KCTD8: variants seen among roughly 807,000 people sequenced by gnomAD.
KCTD8 encodes BTB/POZ domain-containing protein KCTD8.
KCTD8 carries 27 observed loss-of-function variants against 31.5 expected under a neutral mutation model. The ratio of observed to expected loss-of-function variants is 0.86; its 90% CI spans 0.63 to 1.18. KCTD8 has a LOEUF of 1.18. Among genes scored for constraint, KCTD8 ranks in the 50% most tolerant of loss-of-function variants. KCTD8 has a pLI of 0.00. For synonymous variants in KCTD8, 290 were observed against 280.0 expected (o/e 1.04, Z -0.36); for missense variants, 658 against 647.7 (o/e 1.02, Z -0.17).
chr4:44,397,083 A>T (rs1720523972), intron 1 of KCTD8, among the ~76,000 whole-genome samples: 2 of 152,098 alleles, frequency 1.3e-5, no homozygotes, highest in South Asian at 4.1e-4. Flanking sequence ...ATAACCCCTT[A>T]ATTTGTTTAA....
chr4:44,304,375 C>A (rs6829281), intron 1 of KCTD8, among the ~76,000 whole-genome samples: 72 of 152,240 alleles, frequency 4.7e-4, no homozygotes, highest in African/African-American at 1.5e-3. Flanking sequence ...AGATGGCCTG[C>A]ATTTAAAAAA....
chr4:44,290,583 T>G (rs1717241686), intron 1 of KCTD8, among the ~76,000 whole-genome samples: 1 of 151,986 alleles, frequency 6.6e-6, no homozygotes, highest in East Asian at 1.9e-4. Context: ...CTCAAGAAAT[T>G]AAAAAACTTG....
At chr4:44,384,748 A>T (rs1004763647) in intron 1 of KCTD8, among the ~76,000 whole-genome samples, 13 of 151,778 alleles carry the variant, frequency 8.6e-5, no homozygotes, top group African/African-American at 3.1e-4. Flanking sequence ...ATAGTTAACT[A>T]CAATTTCTTG....
chr4:44,247,274 A>G (rs1715693772), intron 1 of KCTD8, among the ~76,000 whole-genome samples: 1 of 152,022 alleles, frequency 6.6e-6, no homozygotes, highest in East Asian at 1.9e-4. Context: ...AAAAAAAAGC[A>G]TCTTAGAACC....
chr4:44,352,886 C>T (rs1719249713), intron 1 of KCTD8, among the ~76,000 whole-genome samples: 1 of 151,976 alleles, frequency 6.6e-6, no homozygotes, highest in Admixed American at 6.6e-5. Flanking sequence ...TTCTCTCCCA[C>T]TATAATATCA....
chr4:44,239,598 C>T (rs1318922431), intron 1 of KCTD8, among the ~76,000 whole-genome samples: 2 of 152,198 alleles, frequency 1.3e-5, no homozygotes, highest in South Asian at 4.2e-4. Flanking sequence ...TGGATGGTGA[C>T]AATTTATTAA....
chr4:44,244,370 A>T (rs1178138242), intron 1 of KCTD8, among the ~76,000 whole-genome samples: 1 of 152,122 alleles, frequency 6.6e-6, no homozygotes, highest in Non-Finnish European at 1.5e-5. Context: ...GTGCTTTGCC[A>T]TGCTGAGTAC....
intron 1 of KCTD8, among the ~76,000 whole-genome samples, chr4:44,271,495 C>T (rs1716598587): frequency 6.6e-6 from 1 of 152,030 alleles, no homozygotes; most frequent in East Asian, 1.9e-4. Context: ...CCCAAATCTG[C>T]CCATAAACTG....
chr4:44,208,137 G>T (rs1714372913), intron 1 of KCTD8, among the ~76,000 whole-genome samples: 1 of 152,120 alleles, frequency 6.6e-6, no homozygotes, highest in South Asian at 2.1e-4. Flanking sequence ...TTAAGAAGGG[G>T]TTCAAATTAA....
intron 1 of KCTD8, among the ~76,000 whole-genome samples, chr4:44,274,840 A>G (rs147727857): frequency 1.3e-5 from 2 of 151,916 alleles, no homozygotes; most frequent in African/African-American, 4.8e-5. Flanking sequence ...AAGCAAAAAA[A>G]AAAATCCACT....
At chr4:44,277,253 TA>T (rs1716777250) in intron 1 of KCTD8, among the ~76,000 whole-genome samples, 1 of 151,552 alleles carries the variant, frequency 6.6e-6, no homozygotes, top group African/African-American at 2.4e-5. Flanking sequence ...ACAAAACAAA[TA>T]AAAAGAAAAA....
chr4:44,389,626 G>C (rs1720316786), intron 1 of KCTD8, among the ~76,000 whole-genome samples: 3 of 151,734 alleles, frequency 2.0e-5, no homozygotes, highest in Non-Finnish European at 4.4e-5. Context: ...AATGAGTATG[G>C]AGTTTAAGTT....
chr4:44,197,527 G>C (rs1713984571), intron 1 of KCTD8, among the ~76,000 whole-genome samples: 3 of 152,062 alleles, frequency 2.0e-5, no homozygotes, highest in African/African-American at 4.8e-5. Flanking sequence ...AATATCTATT[G>C]AATAGCAGCT....
rs116321688 is a variant in KCTD8 at position 44,272,348 on chromosome 4, A to T, written c.962-97098T>A. Among the ~76,000 whole-genome samples the T allele has an allele frequency of 9.5e-3, 1,444 of 151,960 alleles. 32 individuals carry two copies. Among genetic ancestry groups the T allele is most frequent in the African/African-American group, 0.033 (1,371 of 41,464 alleles). Reference sequence around the variant, plus strand: ...AAATAAGCAAAAAAATTTTTTTAAAAAAGTACTTCTACTGTATATATTATG... The same window carrying T: ...AAATAAGCAAAAAAATTTTTTTAAATAAGTACTTCTACTGTATATATTATG... On this transcript the variant is annotated intron_variant, in intron 1 of 1. Coordinates refer to ENST00000360029, the MANE Select transcript of KCTD8 (RefSeq NM_198353.3).
intron 1 of KCTD8, among the ~76,000 whole-genome samples, chr4:44,315,347 G>A (rs775319346): frequency 4.0e-5 from 6 of 151,806 alleles, no homozygotes; most frequent in East Asian, 1.9e-4. Context: ...CTGTAAATAC[G>A]CATCCTAAAG....
At chr4:44,336,641 A>T (rs1718753521) in intron 1 of KCTD8, among the ~76,000 whole-genome samples, 1 of 152,144 alleles carries the variant, frequency 6.6e-6, no homozygotes, top group African/African-American at 2.4e-5. Flanking sequence ...ACAAAAAATA[A>T]GAAAATCTCA....
intron 1 of KCTD8, among the ~76,000 whole-genome samples, chr4:44,189,614 A>G (rs1351959727): frequency 6.6e-6 from 1 of 151,932 alleles, no homozygotes; most frequent in Non-Finnish European, 1.5e-5. Context: ...CAAACATTCA[A>G]ACATAGCCAC....
In KCTD8 at chr4:44,270,032, C is replaced by T. The variant is rs941896334; in HGVS notation, c.962-94782G>A. 2.8e-4 allele frequency among the ~76,000 whole-genome samples: 42 copies of T among 152,144 alleles called. No individual in the cohort carries two copies. In the East Asian group the frequency reaches 4.3e-3, roughly 15 times the overall value. ...GAAATACCATTTGACCCAGCCATCC[C>T]GTTACTGGGTATATACCCAAAGGAC... On this transcript the variant is annotated intron_variant, in intron 1 of 1. Coordinates refer to ENST00000360029, the MANE Select transcript of KCTD8 (RefSeq NM_198353.3).
chr4:44,184,465 C>T (rs1713522563), intron 1 of KCTD8, among the ~76,000 whole-genome samples: 1 of 152,088 alleles, frequency 6.6e-6, no homozygotes, highest in South Asian at 2.1e-4. Context: ...AGAAGAGTGA[C>T]TTGAAAAGAG....
Sources: gnomAD v4.1 joint callset for allele counts (sites outside exome capture counted in the v4.1 genomes callset) on GRCh38, gnomAD v4.1.1 for gene constraint, MANE v1.5 for transcripts, NCBI Gene and HGNC (gene_info 2026-07-23, HGNC 2026-07-21) for gene names.